DCAF13: variants seen among roughly 807,000 people sequenced by gnomAD.
The protein encoded by DCAF13 is DDB1 and CUL4 associated factor 13.
Under a neutral mutation model 59.0 loss-of-function variants are expected in DCAF13, and 38 were observed. That is an observed-to-expected ratio of 0.64 (90% CI 0.50 to 0.84). The LOEUF (loss-of-function observed/expected upper bound fraction) is 0.84. Among genes scored for constraint, DCAF13 ranks in the 40% least tolerant of loss-of-function variants. DCAF13 has a pLI of 0.00. For missense variants in DCAF13, 469 were observed against 558.4 expected (o/e 0.84, Z 1.61); for synonymous variants, 173 against 175.0 (o/e 0.99, Z 0.09).
chr8:103,432,727 A>G lies in DCAF13; in HGVS notation c.771A>G (p.Ala257=). The G allele has an allele frequency of 6.3e-7, 1 of 1,597,040 alleles. No homozygotes were observed. The highest frequency in any genetic ancestry group is 8.6e-7 in the Non-Finnish European group (1 of 1,166,102). The change falls in exon 7 of 11, where the codon GCA becomes GCG. Residue 257 remains alanine, a synonymous_variant. Coordinates refer to ENST00000612750, the MANE Select transcript of DCAF13 (RefSeq NM_015420.7). ...NPMEAFIFTA[A]NEDYNLYTFD... ...TGGAAGCTTTCATTTTTACAGCAGC[A>G]AATGAAGATTATAAGTAAGTTTCCC... is the stretch of plus-strand genomic sequence containing the variant.
intron 1 of DCAF13, 48 bp from the exon 2 acceptor site, chr8:103,420,216 C>T: frequency 1.3e-6 from 2 of 1,542,286 alleles, no homozygotes; most frequent in South Asian, 1.1e-5. Context: ...AGGAAGACTG[C>T]AGGAAATATT....
rs542462107 is a variant in DCAF13, at chr8:103,430,261, G to A, written c.625-351G>A. On this transcript the variant is annotated intron_variant, in intron 5 of 10. Transcript: ENST00000612750. ...CAAAATATTAGCCCGGTGTGGTGGC[G>A]CACCCCTGTAATCCCAGCTCCTCCA... The A allele has an allele frequency of 9.0e-4, 140 of 155,658 alleles. 1 individual carries two copies. The highest frequency in any genetic ancestry group is 1.6e-3 in the Non-Finnish European group (111 of 70,524). The allele number at this position is 155,658 out of a possible 1,614,324, so 9.6% of individuals were successfully genotyped here. A position where few individuals can be genotyped will look rare whatever the true frequency, so the allele number is the denominator to read the frequency against.
intron 5 of DCAF13, chr8:103,428,088 A>T (rs1816817354): frequency 6.6e-6 from 1 of 152,326 alleles, no homozygotes; most frequent in East Asian, 1.9e-4. Flanking sequence ...TTAAAGACCC[A>T]ACCTGATAAA....
At chr8:103,422,163 G>A (rs1394934829) in intron 3 of DCAF13, among the ~76,000 whole-genome samples, 1 of 152,160 alleles carries the variant, frequency 6.6e-6, no homozygotes, top group Non-Finnish European at 1.5e-5. Context: ...AGGTGCCTGG[G>A]AAGAGGTTGG....
intron 1 of DCAF13, among the ~76,000 whole-genome samples, chr8:103,417,698 T>C (rs1203354955): frequency 6.7e-6 from 1 of 148,318 alleles, no homozygotes. Context: ...AACATACACA[T>C]ATGTTGAGAA....
At chr8:103,435,899 A>T (rs1207815065) in intron 8 of DCAF13, 109 bp downstream of exon 8, 1 of 1,164,908 alleles carries the variant, frequency 8.6e-7, no homozygotes, top group Non-Finnish European at 1.3e-6. Flanking sequence ...ACATCATCAG[A>T]GTGCACTTAA....
intron 8 of DCAF13, 44 bp downstream of exon 8, chr8:103,435,834 A>G: frequency 6.3e-7 from 1 of 1,584,296 alleles, no homozygotes; most frequent in Non-Finnish European, 8.7e-7. Flanking sequence ...ATGTCACTTA[A>G]CAATGGGGAT....
At position 103,435,660 on chromosome 8, in the gene DCAF13, C is replaced by G. The variant is rs774146109; in HGVS notation, c.820C>G (p.Pro274Ala). 2 of 1,608,694 alleles carry G rather than the reference C, an allele frequency of 1.2e-6. No individual in the cohort carries two copies. The highest frequency in any genetic ancestry group is 2.7e-5 in the African/African-American group (2 of 74,792). The change falls in exon 8 of 11, where the codon CCT (proline) becomes GCT (alanine). Residue 274 changes from proline (P) to alanine (A), a missense_variant. Pro to Ala is a conservative substitution (Grantham distance 27, BLOSUM62 -1). Transcript: ENST00000612750. ...YTFDMRALDT[P>A]VMVHMDHVSA... ...TTTTGATATGCGTGCACTGGACACT[C>G]CTGTAATGGTCCATATGGATCATGT...
intron 8 of DCAF13, among the ~76,000 whole-genome samples, chr8:103,438,362 C>T (rs562726866): frequency 5.3e-5 from 8 of 151,774 alleles, no homozygotes; most frequent in Middle Eastern, 3.4e-3. Flanking sequence ...TATCAAAGTG[C>T]TTAAAACATA....
At chr8:103,438,714 A>G (rs570829163) in intron 8 of DCAF13, among the ~76,000 whole-genome samples, 1 of 152,304 alleles carries the variant, frequency 6.6e-6, no homozygotes, top group African/African-American at 2.4e-5. Context: ...GATATTTTTT[A>G]TAGATATGAA....
At chr8:103,425,675 T>C (rs1200998860) in intron 3 of DCAF13, among the ~76,000 whole-genome samples, 1 of 152,192 alleles carries the variant, frequency 6.6e-6, no homozygotes, top group African/African-American at 2.4e-5. Flanking sequence ...TAAAATTACC[T>C]GGAATTTTAT....
chr8:103,441,395 T>C, intron 9 of DCAF13, 60 bp from the exon 10 acceptor site: 2 of 1,492,268 alleles, frequency 1.3e-6, no homozygotes, highest in Non-Finnish European at 9.0e-7. Context: ...CTTTCTAGCT[T>C]TTTTATACTG....
chr8:103,440,444 C>T (rs1563507434), intron 9 of DCAF13, 173 bp downstream of exon 9: 4 of 525,374 alleles, frequency 7.6e-6, no homozygotes, highest in Non-Finnish European at 6.4e-6. Flanking sequence ...TTGCTTCATT[C>T]TGATCTATTA....
At chr8:103,421,833 G>A (rs1261830016) in intron 3 of DCAF13, among the ~76,000 whole-genome samples, 2 of 152,128 alleles carry the variant, frequency 1.3e-5, no homozygotes, top group Non-Finnish European at 2.9e-5. Context: ...ACATTCCATT[G>A]TATGTGTCAC....
chr8:103,427,125 G>A lies in DCAF13; in HGVS notation c.497G>A (p.Trp166Ter). The change falls in exon 5 of 11, where the codon TGG becomes TAG. Residue 166 changes from tryptophan (W) to a stop codon, truncating the protein, a stop_gained. Transcript: ENST00000612750. LOFTEE classifies it high-confidence loss of function. The stretch of plus-strand genomic sequence containing the variant: ...GTGTATACTGGGATTGATCATCACT[G>A]GAAAGAAGCTGTTTTTGCCACATGT... ...KTVYTGIDHH[W>*]KEAVFATCGQ... 6.2e-7 allele frequency: 1 copy of A among 1,612,974 alleles called. No individual in the cohort carries two copies. The highest frequency in any genetic ancestry group is 8.5e-7 in the Non-Finnish European group (1 of 1,179,544).
In DCAF13 at chr8:103,427,100, G is replaced by C. The variant is rs1396160432; in HGVS notation, c.472G>C (p.Val158Leu). 6.2e-7 allele frequency: 1 copy of C among 1,609,130 alleles called. No individual in the cohort carries two copies. The highest frequency in any genetic ancestry group is 1.7e-5 in the Admixed American group (1 of 58,844). ...EPLHTILGKTVYTGIDHHWKE... is the reference protein window; with the variant it reads ...EPLHTILGKTLYTGIDHHWKE... Reference sequence around the variant, plus strand: ...CTTAACCTTTTTGCTTTTAAAGACAGTGTATACTGGGATTGATCATCACTG... The same window carrying C: ...CTTAACCTTTTTGCTTTTAAAGACACTGTATACTGGGATTGATCATCACTG... Residue 158 changes from valine to leucine, a missense_variant, in exon 5 of 11, where the codon GTG becomes CTG. This residue lies in a region of DCAF13 where 355 missense variants were observed against 399.1 expected (regional missense o/e 0.89). Transcript: ENST00000612750.
At chr8:103,425,036 A>T (rs911973001) in intron 3 of DCAF13, among the ~76,000 whole-genome samples, 9 of 152,192 alleles carry the variant, frequency 5.9e-5, no homozygotes, top group African/African-American at 2.2e-4. Flanking sequence ...ATCTGTTTTC[A>T]TCTCATGGGC....
intron 3 of DCAF13, chr8:103,421,412 C>A: frequency 1.9e-5 from 7 of 362,114 alleles, no homozygotes; most frequent in Non-Finnish European, 3.7e-5. Context: ...AAGGAATCAT[C>A]GAAGTTTTGT....
chr8:103,440,111 T>G, intron 8 of DCAF13, 25 bp from the exon 9 acceptor site: 4 of 1,525,296 alleles, frequency 2.6e-6, no homozygotes, highest in Non-Finnish European at 3.5e-6. Context: ...ATCCAAAGGG[T>G]TTTAACTTAA....
Sources: gnomAD v4.1 joint callset for allele counts (sites outside exome capture counted in the v4.1 genomes callset) on GRCh38, gnomAD v4.1.1 for gene constraint, gnomAD v4.1.1 regional missense constraint, MANE v1.5 for transcripts, NCBI Gene and HGNC (gene_info 2026-07-23, HGNC 2026-07-21) for gene names.